Variants in TMEM178B observed in about 807,000 individuals in gnomAD.
The protein encoded by TMEM178B is transmembrane protein 178B.
In TMEM178B, 5 loss-of-function variants were observed where a neutral mutation model predicts 31.0. The observed-to-expected ratio is 0.16, with a 90% CI of 0.08 to 0.34. The LOEUF (loss-of-function observed/expected upper bound fraction) is 0.34. Ranked by LOEUF, TMEM178B falls within the 10% of genes least tolerant of loss-of-function variation. TMEM178B has a pLI of 1.00. For synonymous variants in TMEM178B, 164 were observed against 164.0 expected, an observed-to-expected ratio of 1.00 and a Z score of 0.00; for missense variants, 275 against 400.3, an observed-to-expected ratio of 0.69 and a Z score of 2.67.
chr7:141,162,916 G>A (rs997013020), intron 1 of TMEM178B, among the ~76,000 whole-genome samples: 2 of 152,224 alleles, frequency 1.3e-5, no homozygotes, highest in African/African-American at 2.4e-5. Flanking sequence ...TCCATTTCCT[G>A]TAGAACGTTT....
At chr7:141,332,131 G>A (rs1799310037) in intron 2 of TMEM178B, among the ~76,000 whole-genome samples, 1 of 152,122 alleles carries the variant, frequency 6.6e-6, no homozygotes, top group African/African-American at 2.4e-5. Context: ...TCATGGTTCT[G>A]AATTGTCTTG....
intron 1 of TMEM178B, among the ~76,000 whole-genome samples, chr7:141,090,239 GCAATGGTGCAAT>G (rs72288590): frequency 0.087 from 13,222 of 152,142 alleles, 658 homozygotes; most frequent in South Asian, 0.15. Flanking sequence ...CGGCTGGAGT[GCAATGGTGCAAT>G]CATAGCTCAC....
intron 2 of TMEM178B, among the ~76,000 whole-genome samples, chr7:141,220,594 C>T (rs767739586): frequency 8.5e-5 from 13 of 152,104 alleles, no homozygotes; most frequent in Non-Finnish European, 1.3e-4. Context: ...AAAACATCCA[C>T]GTCCTGAACA....
chr7:141,391,140 G>A (rs898023510), intron 2 of TMEM178B, among the ~76,000 whole-genome samples: 2 of 151,956 alleles, frequency 1.3e-5, no homozygotes, highest in African/African-American at 4.8e-5. Flanking sequence ...GTAGTTTACT[G>A]TTTATGGTGA....
At chr7:141,398,923 A>G (rs1200659711) in intron 2 of TMEM178B, among the ~76,000 whole-genome samples, 1 of 152,232 alleles carries the variant, frequency 6.6e-6, no homozygotes, top group African/African-American at 2.4e-5. Flanking sequence ...GAGAAGAGGC[A>G]TTAAGGAGAG....
chr7:141,382,932 T>C (rs956285812), intron 2 of TMEM178B, among the ~76,000 whole-genome samples: 1 of 152,208 alleles, frequency 6.6e-6, no homozygotes, highest in Non-Finnish European at 1.5e-5. Context: ...GAAACTTCCT[T>C]GCCTTCCTTT....
intron 1 of TMEM178B, among the ~76,000 whole-genome samples, chr7:141,154,978 C>A: frequency 6.6e-6 from 1 of 152,160 alleles, no homozygotes; most frequent in East Asian, 1.9e-4. Context: ...GATCCACCTG[C>A]CTCAGCCTCC....
intron 2 of TMEM178B, among the ~76,000 whole-genome samples, chr7:141,287,696 A>G (rs1054144964): frequency 2.0e-5 from 3 of 152,166 alleles, no homozygotes. Context: ...TCTCTTTGAA[A>G]ATGTCCCCAG....
chr7:141,155,954 A>G (rs962823005), intron 1 of TMEM178B, among the ~76,000 whole-genome samples: 2 of 152,058 alleles, frequency 1.3e-5, no homozygotes, highest in Non-Finnish European at 2.9e-5. Flanking sequence ...AATCTCAACT[A>G]CTTGAGAGGC....
intron 2 of TMEM178B, among the ~76,000 whole-genome samples, chr7:141,389,868 A>G (rs1476707276): frequency 6.6e-6 from 1 of 152,222 alleles, no homozygotes; most frequent in East Asian, 1.9e-4. Flanking sequence ...GGTGACTGGC[A>G]TGAGCACCTC....
At chr7:141,245,397 G>C (rs987200591) in intron 2 of TMEM178B, among the ~76,000 whole-genome samples, 1 of 151,854 alleles carries the variant, frequency 6.6e-6, no homozygotes, top group Non-Finnish European at 1.5e-5. Context: ...GTGGATGGAG[G>C]TTTGTTCATT....
chr7:141,356,717 G>A (rs190024331), intron 2 of TMEM178B, among the ~76,000 whole-genome samples: 78 of 151,324 alleles, frequency 5.2e-4, no homozygotes, highest in Non-Finnish European at 7.2e-4. Flanking sequence ...CAGCAACTTG[G>A]ACAGCTTCAA....
chr7:141,435,692 T>C (rs1344917927), intron 2 of TMEM178B, among the ~76,000 whole-genome samples: 1 of 152,230 alleles, frequency 6.6e-6, no homozygotes, highest in Non-Finnish European at 1.5e-5. Context: ...CAAGCTCCTA[T>C]TGTGATCAAA....
At chr7:141,106,590 G>A (rs1795151498) in intron 1 of TMEM178B, among the ~76,000 whole-genome samples, 1 of 152,136 alleles carries the variant, frequency 6.6e-6, no homozygotes, top group South Asian at 2.1e-4. Context: ...GATATCTGGA[G>A]CCTTCTTTCT....
intron 2 of TMEM178B, among the ~76,000 whole-genome samples, chr7:141,366,572 G>T (rs186203304): frequency 3.3e-5 from 5 of 152,076 alleles, no homozygotes. Flanking sequence ...TTGGCATTTC[G>T]ACCTCTTTGT....
chr7:141,508,679 G>A, the TMEM178B span, among the ~76,000 whole-genome samples: 54 of 152,334 alleles, frequency 3.5e-4, 1 homozygote, highest in African/African-American at 1.2e-3. Flanking sequence ...CATGGTGGCA[G>A]CAAGAGTAAA....
chr7:141,236,553 G>C (rs1221275962), intron 2 of TMEM178B, among the ~76,000 whole-genome samples: 1 of 152,100 alleles, frequency 6.6e-6, no homozygotes, highest in African/African-American at 2.4e-5. Context: ...CTCAAATATT[G>C]CAGGCCATTT....
chr7:141,180,934 C>T (rs1364567040), intron 1 of TMEM178B, among the ~76,000 whole-genome samples: 2 of 152,142 alleles, frequency 1.3e-5, no homozygotes, highest in African/African-American at 4.8e-5. Flanking sequence ...AAAAAAGGCT[C>T]CATGTAAGGA....
At chr7:141,356,490 CAT>C (rs1439920176) in intron 2 of TMEM178B, among the ~76,000 whole-genome samples, 3 of 151,710 alleles carry the variant, frequency 2.0e-5, no homozygotes, top group South Asian at 2.1e-4. Context: ...AGCATTTTTT[CAT>C]ATGTTTGTTG....
Sources: allele counts gnomAD v4.1 joint callset (sites outside exome capture counted in the v4.1 genomes callset), GRCh38; gene constraint gnomAD v4.1.1; transcripts MANE v1.5; gene names NCBI Gene and HGNC (gene_info 2026-07-23, HGNC 2026-07-21).